Variants in CHAF1A observed in about 807,000 individuals in gnomAD.
The protein encoded by CHAF1A is CAF-1 subunit A.
In CHAF1A, 5 loss-of-function variants were observed where a neutral mutation model predicts 93.2. The ratio of observed to expected loss-of-function variants is 0.05; its 90% CI spans 0.03 to 0.11. The LOEUF (loss-of-function observed/expected upper bound fraction) is 0.11, where lower values mean the gene tolerates loss of function less well. CHAF1A is among the 10% of genes least tolerant of loss of function. CHAF1A has a pLI of 1.00. For synonymous variants in CHAF1A, 504 were observed against 510.3 expected, an observed-to-expected ratio of 0.99 and a Z score of 0.17; for missense variants, 1,102 against 1,259.9, an observed-to-expected ratio of 0.87 and a Z score of 1.90.
chr19:4,429,533 G>A lies in CHAF1A; in HGVS notation c.1700G>A (p.Arg567Gln), dbSNP rs201954852. The A allele has an allele frequency of 1.4e-4, 218 of 1,613,946 alleles. 1 individual carries two copies. In the East Asian group the frequency reaches 2.7e-3, roughly 20 times the overall value. Residue 567 changes from arginine (R) to glutamine (Q), a missense_variant, in exon 9 of 15, where the codon CGG becomes CAG. Physicochemically the swap from Arg to Gln is conservative, Grantham distance 43 (BLOSUM62 1). This residue lies in a region of CHAF1A where 335 missense variants were observed against 361.9 expected (regional missense o/e 0.93). Transcript: ENST00000301280. ...CTCCTGCAGTTCTGTGAGAACCACCGGCCTGCCTACTGGGGTACCTGGAAT... is the reference window on the plus strand; with the variant it reads ...CTCCTGCAGTTCTGTGAGAACCACCAGCCTGCCTACTGGGGTACCTGGAAT... ...MKLLQFCENH[R>Q]PAYWGTWNKK...
chr19:4,410,000 C>G (rs1973763664), intron 3 of CHAF1A, among the ~76,000 whole-genome samples: 1 of 152,158 alleles, frequency 6.6e-6, no homozygotes, highest in Non-Finnish European at 1.5e-5. Context: ...TGAATAACAC[C>G]CTGCTGTTTT....
intron 7 of CHAF1A, among the ~76,000 whole-genome samples, chr19:4,425,624 G>A (rs1974067359): frequency 6.6e-6 from 1 of 152,202 alleles, no homozygotes; most frequent in South Asian, 2.1e-4. Context: ...TAGGATCACA[G>A]GCATGAGCCA....
chr19:4,415,722 G>A (rs1015314866), intron 3 of CHAF1A, among the ~76,000 whole-genome samples: 2 of 152,004 alleles, frequency 1.3e-5, no homozygotes, highest in Middle Eastern at 3.2e-3. Context: ...CTGCCAACAC[G>A]GGCAGCCTTC....
chr19:4,430,718 A>T, intron 11 of CHAF1A, 77 bp downstream of exon 11: 1 of 1,505,106 alleles, frequency 6.6e-7, no homozygotes, highest in Non-Finnish European at 9.2e-7. Context: ...CTGACCTGGG[A>T]GGGTGACGGG....
chr19:4,402,875 G>A, intron 1 of CHAF1A, 61 bp downstream of exon 1: 1 of 1,055,402 alleles, frequency 9.5e-7, no homozygotes, highest in South Asian at 4.7e-5. Flanking sequence ...GACGGGCCGA[G>A]GCGGCGATGG....
At chr19:4,445,422 G>A, downstream of CHAF1A, 2 of 1,595,138 alleles carry the variant, frequency 1.3e-6, no homozygotes, top group Non-Finnish European at 1.7e-6. Context: ...TGGCTTGGAG[G>A]CCCTGGGGTG....
At chr19:4,445,699 G>A, downstream of CHAF1A, 1 of 1,565,994 alleles carries the variant, frequency 6.4e-7, no homozygotes, top group South Asian at 1.1e-5. Flanking sequence ...CGGGCAACCT[G>A]GGCGCGGGGA....
chr19:4,408,341 C>T (rs946758828), intron 2 of CHAF1A, among the ~76,000 whole-genome samples: 12 of 151,548 alleles, frequency 7.9e-5, no homozygotes, highest in Admixed American at 1.3e-4. Flanking sequence ...TGCAGGCGCC[C>T]GCCACCTCAC....
At chr19:4,450,349 T>C in the CHAF1A span, 2 of 151,916 alleles carry the variant, frequency 1.3e-5, no homozygotes, top group Non-Finnish European at 1.5e-5. Flanking sequence ...CATTTAATTA[T>C]ACAGAGATCA....
rs189293351 is a variant in CHAF1A at position 4,422,958 on chromosome 19, G to A, written c.1247+163G>A. Reference sequence around the variant, plus strand: ...GCCCGTGGGGCCCTGACGTGGGAGCGGTGGAAAGCAGCTCCCTGCTCTTTA... The same window carrying A: ...GCCCGTGGGGCCCTGACGTGGGAGCAGTGGAAAGCAGCTCCCTGCTCTTTA... On this transcript the variant is annotated intron_variant, in intron 5 of 14. Transcript: ENST00000301280. The surrounding 1 kb of genome is among the most constrained non-coding windows in gnomAD (Gnocchi z 4.6). Among the ~76,000 whole-genome samples, 144 of 152,252 alleles carry A rather than the reference G, an allele frequency of 9.5e-4. 3 individuals carry two copies. Among genetic ancestry groups the A allele is most frequent in the African/African-American group, 3.1e-3 (128 of 41,550 alleles).
downstream of CHAF1A, chr19:4,447,700 G>C: frequency 6.8e-7 from 1 of 1,473,260 alleles, no homozygotes; most frequent in Non-Finnish European, 9.5e-7. Context: ...CCTGCTCCAG[G>C]TAACAGCAGC....
At chr19:4,446,244 C>A (rs1277311632), downstream of CHAF1A, 1 of 1,570,850 alleles carries the variant, frequency 6.4e-7, no homozygotes, top group African/African-American at 1.3e-5. Context: ...GGCCCCCTAC[C>A]AACCCGAGCC....
At chr19:4,446,738 T>C (rs113377816), downstream of CHAF1A, 1 of 1,609,374 alleles carries the variant, frequency 6.2e-7, no homozygotes, top group Non-Finnish European at 8.5e-7. Flanking sequence ...TGGCAGGACA[T>C]GGGTGTCACT....
chr19:4,437,497 C>T (rs1305657656), intron 13 of CHAF1A, among the ~76,000 whole-genome samples: 7 of 152,092 alleles, frequency 4.6e-5, no homozygotes, highest in South Asian at 2.1e-4. Context: ...TATAGAGGCA[C>T]GTGCCACCAT....
At chr19:4,416,184 A>G (rs1417568833) in intron 3 of CHAF1A, among the ~76,000 whole-genome samples, 2 of 152,168 alleles carry the variant, frequency 1.3e-5, no homozygotes, top group Non-Finnish European at 2.9e-5. Flanking sequence ...AAAAAAAAAA[A>G]GAAATCACTT....
chr19:4,446,588 G>A, downstream of CHAF1A: 1 of 1,612,658 alleles, frequency 6.2e-7, no homozygotes, highest in Non-Finnish European at 8.5e-7. Context: ...GGCGAGGGCT[G>A]GAAGACGCGG....
At chr19:4,421,144 C>T (rs1377747289) in intron 4 of CHAF1A, among the ~76,000 whole-genome samples, 1 of 152,142 alleles carries the variant, frequency 6.6e-6, no homozygotes, top group African/African-American at 2.4e-5. Flanking sequence ...AGTGCCGTGG[C>T]GTGATCTTGA....
chr19:4,446,455 TC>T, downstream of CHAF1A: 3 of 1,582,334 alleles, frequency 1.9e-6, no homozygotes, highest in Non-Finnish European at 2.6e-6. Flanking sequence ...CCGGGGTTCT[TC>T]CACCCCGCCC....
In CHAF1A at chr19:4,422,860, C is replaced by A; in HGVS notation, c.1247+65C>A. On this transcript the variant is annotated intron_variant, in intron 5 of 14. Transcript: ENST00000301280. This position sits in a 1 kb window ranked among gnomAD's most constrained non-coding sequence, Gnocchi z 4.6. Reference sequence around the variant, plus strand: ...CTGCTGGATTCCGCTCCTGGCCACTCTGATGGGGCCTTTCCACTTCACAGG... The same window carrying A: ...CTGCTGGATTCCGCTCCTGGCCACTATGATGGGGCCTTTCCACTTCACAGG... 1 of 1,433,526 alleles carries A rather than the reference C, an allele frequency of 7.0e-7. No individual in the cohort carries two copies. Among genetic ancestry groups the A allele is most frequent in the Non-Finnish European group, 9.7e-7 (1 of 1,030,000 alleles). 88.8% of individuals were successfully genotyped at this position (1,433,526 alleles called of 1,614,324 possible). A position where few individuals can be genotyped will look rare whatever the true frequency, so the allele number is the denominator to read the frequency against.
Sources: allele counts gnomAD v4.1 joint callset (sites outside exome capture counted in the v4.1 genomes callset), GRCh38; gene constraint gnomAD v4.1.1; regional missense constraint gnomAD v4.1.1; non-coding constraint Gnocchi (gnomAD v3.1); transcripts MANE v1.5; gene names NCBI Gene and HGNC (gene_info 2026-07-23, HGNC 2026-07-21).